GRIK1: variants seen among roughly 807,000 people sequenced by gnomAD.
GRIK1 encodes glutamate ionotropic receptor kainate type subunit 1.
A neutral mutation model predicts 105.7 loss-of-function variants in GRIK1; 69 were observed. The observed-to-expected ratio is 0.65, with a 90% CI of 0.54 to 0.80. GRIK1 has a LOEUF of 0.80. GRIK1 is among the 30% of genes least tolerant of loss of function. The probability of loss-of-function intolerance (pLI) is 0.00; values close to 1 mark genes in which losing one functional copy is unlikely to be tolerated. For missense variants in GRIK1, 1,109 were observed against 1,167.3 expected (o/e 0.95, Z 0.73); for synonymous variants, 438 against 431.3 (o/e 1.02, Z -0.19).
At chr21:29,680,546 T>C (rs1408328884) in intron 3 of GRIK1, among the ~76,000 whole-genome samples, 1 of 152,200 alleles carries the variant, frequency 6.6e-6, no homozygotes. Flanking sequence ...CCTCCTTATC[T>C]GAGGTTTTGC....
At chr21:29,566,874 A>T (rs2090622697) in intron 14 of GRIK1, among the ~76,000 whole-genome samples, 2 of 150,226 alleles carry the variant, frequency 1.3e-5, no homozygotes, top group South Asian at 4.2e-4. Flanking sequence ...GTTCTTAAAC[A>T]ACAGGGAATG....
intron 10 of GRIK1, among the ~76,000 whole-genome samples, chr21:29,590,805 G>A (rs1351320276): frequency 2.0e-5 from 3 of 152,162 alleles, no homozygotes; most frequent in Non-Finnish European, 4.4e-5. Context: ...CTAGTCTCTT[G>A]CTAGGGTCTC....
At chr21:29,839,549 A>C (rs2145995798) in intron 1 of GRIK1, among the ~76,000 whole-genome samples, 1 of 152,362 alleles carries the variant, frequency 6.6e-6, no homozygotes, top group South Asian at 2.1e-4. Context: ...CAAAAGGGAA[A>C]AAGTGAGACT....
intron 1 of GRIK1, among the ~76,000 whole-genome samples, chr21:29,905,657 C>G (rs1185129701): frequency 2.4e-5 from 3 of 123,474 alleles, no homozygotes; most frequent in African/African-American, 9.8e-5. Flanking sequence ...GACGGAGTCT[C>G]GCTCTGTCGC....
intron 15 of GRIK1, among the ~76,000 whole-genome samples, chr21:29,560,326 T>A (rs998875624): frequency 3.3e-5 from 4 of 122,908 alleles, no homozygotes; most frequent in African/African-American, 1.4e-4. Flanking sequence ...TTTCTTTCTT[T>A]CTTTCTTTCT....
intron 16 of GRIK1, among the ~76,000 whole-genome samples, chr21:29,541,501 G>T (rs2089968548): frequency 6.7e-6 from 1 of 148,788 alleles, no homozygotes; most frequent in African/African-American, 2.5e-5. Context: ...TTTTAAGTAT[G>T]CTCTTTCTTT....
At chr21:29,912,974 A>T (rs2070870494) in intron 1 of GRIK1, among the ~76,000 whole-genome samples, 1 of 152,152 alleles carries the variant, frequency 6.6e-6, no homozygotes, top group South Asian at 2.1e-4. Context: ...TCATTACAAG[A>T]CATACTTAAT....
intron 1 of GRIK1, among the ~76,000 whole-genome samples, chr21:29,926,822 T>C (rs2071386931): frequency 6.6e-6 from 1 of 152,128 alleles, no homozygotes; most frequent in Admixed American, 6.6e-5. Context: ...TTTATAACAG[T>C]TTTGTTGTGT....
chr21:29,549,667 GA>G (rs938140018), intron 16 of GRIK1, among the ~76,000 whole-genome samples: 7 of 149,908 alleles, frequency 4.7e-5, no homozygotes, highest in African/African-American at 1.3e-4. Context: ...CATAAAGCTT[GA>G]AAAAAAAATT....
chr21:29,723,643 G>T (rs527797217), intron 1 of GRIK1, among the ~76,000 whole-genome samples: 195 of 152,282 alleles, frequency 1.3e-3, no homozygotes, highest in Non-Finnish European at 1.7e-3. Context: ...TTAGAGTGCA[G>T]TTTTTCTAAT....
intron 1 of GRIK1, among the ~76,000 whole-genome samples, chr21:29,897,733 G>T (rs917422779): frequency 6.6e-6 from 1 of 152,176 alleles, no homozygotes; most frequent in Non-Finnish European, 1.5e-5. Context: ...CATAAACCAT[G>T]GGCAAGTTAT....
chr21:29,649,804 G>A (rs574920050), intron 6 of GRIK1, among the ~76,000 whole-genome samples: 1 of 152,116 alleles, frequency 6.6e-6, no homozygotes. Flanking sequence ...TCTTTTAGTG[G>A]TATATACCAA....
At chr21:29,874,082 CTG>C (rs918155226) in intron 1 of GRIK1, among the ~76,000 whole-genome samples, 2 of 152,178 alleles carry the variant, frequency 1.3e-5, no homozygotes, top group African/African-American at 4.8e-5. Flanking sequence ...CGGGGACTGA[CTG>C]TAAATACAGA....
At chr21:29,672,100 C>G (rs1041233518) in intron 4 of GRIK1, among the ~76,000 whole-genome samples, 13 of 150,906 alleles carry the variant, frequency 8.6e-5, no homozygotes, top group African/African-American at 3.2e-4. Context: ...TCTTATGGCC[C>G]AGGCTGGAGT....
chr21:29,727,038 C>A (rs139154807), intron 1 of GRIK1, among the ~76,000 whole-genome samples: 1 of 152,000 alleles, frequency 6.6e-6, no homozygotes, highest in Non-Finnish European at 1.5e-5. Flanking sequence ...CAGGCTCAAG[C>A]GATCCTTCCA....
chr21:29,537,705 A>G (rs1367178785), intron 17 of GRIK1, 93 bp downstream of exon 17: 1 of 799,126 alleles, frequency 1.3e-6, no homozygotes, highest in Non-Finnish European at 2.3e-6. Flanking sequence ...ATAGAGTTAA[A>G]TTAAGTCATT....
chr21:29,655,777 AT>A (rs1219773749), intron 4 of GRIK1, among the ~76,000 whole-genome samples: 2 of 152,124 alleles, frequency 1.3e-5, no homozygotes, highest in African/African-American at 4.8e-5. Context: ...TGGTTCTCAA[AT>A]AACTACTTGG....
At chr21:29,915,908 T>C (rs1278783560) in intron 1 of GRIK1, among the ~76,000 whole-genome samples, 1 of 152,018 alleles carries the variant, frequency 6.6e-6, no homozygotes, top group African/African-American at 2.4e-5. Context: ...CTAGCATGTC[T>C]TACTCTTTTC....
At position 29,620,808 on chromosome 21, in the gene GRIK1, T is replaced by G. The variant is rs891616502; in HGVS notation, c.1099-21871A>C. On this transcript the variant is annotated intron_variant, in intron 7 of 17. Coordinates refer to ENST00000327783, the MANE Select transcript of GRIK1 (RefSeq NM_001330994.2). ...ATATATATATCTATATATATATAGA[T>G]ATATATATATAGTAATAATATATTA... 2.5e-3 allele frequency among the ~76,000 whole-genome samples: 307 copies of G among 122,578 alleles called. 2 individuals are homozygous for G. Among genetic ancestry groups the G allele is most frequent in the African/African-American group, 9.3e-3 (258 of 27,824 alleles). 80.4% of individuals were successfully genotyped at this position (122,578 alleles called of 152,430 possible).
Sources: allele counts gnomAD v4.1 joint callset (sites outside exome capture counted in the v4.1 genomes callset), GRCh38; gene constraint gnomAD v4.1.1; transcripts MANE v1.5; gene names NCBI Gene and HGNC (gene_info 2026-07-23, HGNC 2026-07-21).